The following SLC45A4 variants were observed in gnomAD, a reference collection of about 807,000 sequenced individuals.
SLC45A4 encodes the protein polyamine-transporter SLC45A4.
Under a neutral mutation model 63.7 loss-of-function variants are expected in SLC45A4, and 32 were observed. The ratio of observed to expected loss-of-function variants is 0.50; its 90% CI spans 0.38 to 0.67. The LOEUF is 0.67. Ranked by LOEUF, SLC45A4 falls within the 30% of genes least tolerant of loss-of-function variation. The pLI, the probability that SLC45A4 is intolerant of heterozygous loss-of-function variation, is 0.00. For synonymous variants in SLC45A4, 535 were observed against 510.0 expected (o/e 1.05, Z -0.66); for missense variants, 1,027 against 1,157.7 (o/e 0.89, Z 1.64).
In SLC45A4 at chr8:141,256,078, A is replaced by C. The variant is rs1467358548; in HGVS notation, c.-400-1449T>G. On this transcript the variant is annotated intron_variant, in intron 1 of 8. Coordinates refer to ENST00000517878, the MANE Select transcript of SLC45A4 (RefSeq NM_001286646.2). The surrounding 1 kb of genome is among the most constrained non-coding windows in gnomAD (Gnocchi z 4.3). ...CCAGTGACAAACCCAGCTTGGTGAC[A>C]AATTCCCCACCTGGGCAAACACATA... Among the ~76,000 whole-genome samples, 1 of 152,186 alleles carries C rather than the reference A, an allele frequency of 6.6e-6. No homozygotes were observed. Among genetic ancestry groups the C allele is most frequent in the African/African-American group, 2.4e-5 (1 of 41,434 alleles).
chr8:141,231,219 G>A (rs1827331351), intron 2 of SLC45A4, among the ~76,000 whole-genome samples: 1 of 152,236 alleles, frequency 6.6e-6, no homozygotes, highest in South Asian at 2.1e-4. Context: ...GAGCGCCGGA[G>A]ACAGGGCAGG....
At chr8:141,307,811 C>CGG (rs1352555515) in intron 1 of SLC45A4, among the ~76,000 whole-genome samples, 3 of 4,162 alleles carry the variant, frequency 7.2e-4, no homozygotes, top group Non-Finnish European at 1.5e-3. Flanking sequence ...GGGTGGGGGC[C>CGG]GGGGTGGGGG....
At chr8:141,301,863 G>GGA (rs1830756372) in intron 1 of SLC45A4, among the ~76,000 whole-genome samples, 2 of 151,908 alleles carry the variant, frequency 1.3e-5, no homozygotes, top group Admixed American at 1.3e-4. Flanking sequence ...TCAGGAGGCT[G>GGA]GAGAGAGAGA....
intron 1 of SLC45A4, among the ~76,000 whole-genome samples, chr8:141,260,077 G>T (rs111408734): frequency 1.3e-5 from 2 of 152,188 alleles, no homozygotes; most frequent in Non-Finnish European, 2.9e-5. Context: ...AGTAGTCTAC[G>T]CATGGACACA....
intron 2 of SLC45A4, among the ~76,000 whole-genome samples, chr8:141,244,957 T>TGGGGGGGGG (rs1243475649): frequency 1.2e-4 from 1 of 8,416 alleles, no homozygotes; most frequent in East Asian, 2.7e-3. Flanking sequence ...AAGACGTGGG[T>TGGGGGGGGG]GGGGGGGGGG....
At chr8:141,286,565 T>C (rs990646949) in intron 1 of SLC45A4, among the ~76,000 whole-genome samples, 2 of 152,184 alleles carry the variant, frequency 1.3e-5, no homozygotes, top group Non-Finnish European at 2.9e-5. Context: ...CATTGAATAT[T>C]TAAAAGAGTA....
At chr8:141,228,271 G>A (rs1827145046) in intron 2 of SLC45A4, 1 of 1,613,368 alleles carries the variant, frequency 6.2e-7, no homozygotes, top group Non-Finnish European at 8.5e-7. Context: ...CCCCATAGAT[G>A]ATGCTGTCCC....
intron 2 of SLC45A4, among the ~76,000 whole-genome samples, chr8:141,242,637 C>A (rs1458817898): frequency 1.3e-5 from 2 of 152,208 alleles, no homozygotes; most frequent in African/African-American, 4.8e-5. Flanking sequence ...CCCCAGATAA[C>A]AAGCCCAACA....
chr8:141,218,586 C>T lies in SLC45A4; in HGVS notation c.1054G>A (p.Ala352Thr), dbSNP rs368211710. The T allele has an allele frequency of 3.7e-5, 60 of 1,613,302 alleles. No individual in the cohort carries two copies. The Middle Eastern group carries it at 6.6e-4, about 18-fold the overall frequency. ...GCCAGGCGGGGCAGCTTGGTCTTGG[C>T]GAGCTCCTGGCTGGTGCTGCGGGGG... ...ATPRSTSQELAKTKLPRLATF... is the reference protein window; with the variant it reads ...ATPRSTSQELTKTKLPRLATF... The change falls in exon 5 of 9, where the codon GCC becomes ACC. Residue 352 changes from alanine to threonine, a missense_variant. Transcript: ENST00000517878.
chr8:141,294,727 G>A (rs1830480190), intron 1 of SLC45A4, among the ~76,000 whole-genome samples: 1 of 152,244 alleles, frequency 6.6e-6, no homozygotes, highest in African/African-American at 2.4e-5. Context: ...AAGACAGAGG[G>A]CAGCACAAGA....
At chr8:141,272,773 A>G (rs1471301062) in intron 1 of SLC45A4, among the ~76,000 whole-genome samples, 1 of 152,076 alleles carries the variant, frequency 6.6e-6, no homozygotes, top group Non-Finnish European at 1.5e-5. Flanking sequence ...CCGAGTTCCA[A>G]CAGGACCCCA....
In SLC45A4 at chr8:141,215,097, G is replaced by A. The variant is rs1384949568; in HGVS notation, c.1941+662C>T. Among the ~76,000 whole-genome samples the A allele has an allele frequency of 6.6e-6, 1 of 152,200 alleles. No homozygotes were observed. The highest frequency in any genetic ancestry group is 1.5e-5 in the Non-Finnish European group (1 of 68,020). On this transcript the variant is annotated intron_variant, in intron 7 of 8. Coordinates refer to ENST00000517878, the MANE Select transcript of SLC45A4 (RefSeq NM_001286646.2). This position sits in a 1 kb window ranked among gnomAD's most constrained non-coding sequence, Gnocchi z 4.3. ...CGTGCTGCCGCCAGCAAGCACGTGA[G>A]TGAATCCTAGAGGATGAAGCCAGAT...
intron 7 of SLC45A4, 51 bp from the exon 8 acceptor site, chr8:141,212,607 A>G (rs1196802340): frequency 1.0e-5 from 16 of 1,530,632 alleles, no homozygotes; most frequent in Non-Finnish European, 1.4e-5. Flanking sequence ...GGTGGCTGCT[A>G]CCCGTGCTTC....
chr8:141,272,056 C>T (rs1315804470), intron 1 of SLC45A4, among the ~76,000 whole-genome samples: 1 of 152,154 alleles, frequency 6.6e-6, no homozygotes, highest in African/African-American at 2.4e-5. Flanking sequence ...CAACACACAC[C>T]TGCGCACACA....
chr8:141,305,871 C>G (rs1830882739), intron 1 of SLC45A4, among the ~76,000 whole-genome samples: 1 of 143,114 alleles, frequency 7.0e-6, no homozygotes, highest in Non-Finnish European at 1.6e-5. Flanking sequence ...ATACCTTCCT[C>G]GGCTCCTTTC....
intron 2 of SLC45A4, chr8:141,252,430 CGT>C (rs760932709): frequency 4.0e-4 from 54 of 135,616 alleles, no homozygotes; most frequent in East Asian, 9.5e-4. Flanking sequence ...CGCCCACCTG[CGT>C]GTCTGTGAAT....
intron 1 of SLC45A4, among the ~76,000 whole-genome samples, chr8:141,305,125 A>G (rs1040314543): frequency 4.6e-5 from 7 of 152,168 alleles, no homozygotes; most frequent in Non-Finnish European, 1.0e-4. Context: ...AGCATTTGAT[A>G]CTCGGGGGAA....
At chr8:141,299,987 G>A (rs1034621001) in intron 1 of SLC45A4, among the ~76,000 whole-genome samples, 36 of 152,110 alleles carry the variant, frequency 2.4e-4, no homozygotes, top group African/African-American at 8.4e-4. Flanking sequence ...TGTTTAAACC[G>A]CAGGATTCCT....
chr8:141,266,233 C>T (rs1288372729), intron 1 of SLC45A4, among the ~76,000 whole-genome samples: 1 of 152,196 alleles, frequency 6.6e-6, no homozygotes, highest in Non-Finnish European at 1.5e-5. Context: ...CTTTCACAGC[C>T]CCTACACACG....
Sources: allele counts gnomAD v4.1 joint callset (sites outside exome capture counted in the v4.1 genomes callset), GRCh38; gene constraint gnomAD v4.1.1; non-coding constraint Gnocchi (gnomAD v3.1); transcripts MANE v1.5; gene names NCBI Gene and HGNC (gene_info 2026-07-23, HGNC 2026-07-21).